The following GPM6A variants were observed in gnomAD, a reference collection of about 807,000 sequenced individuals.
The protein encoded by GPM6A is neuronal membrane glycoprotein M6-a.
A neutral mutation model predicts 32.1 loss-of-function variants in GPM6A; 7 were observed. That is an observed-to-expected ratio of 0.22 (90% confidence interval 0.12 to 0.41). The LOEUF (loss-of-function observed/expected upper bound fraction) is 0.41. Ranked by LOEUF, GPM6A falls within the 10% of genes least tolerant of loss-of-function variation. The pLI, the probability that GPM6A is intolerant of heterozygous loss-of-function variation, is 1.00. For missense variants in GPM6A, 235 were observed against 347.2 expected (o/e 0.68, Z 2.57); for synonymous variants, 130 against 123.4 (o/e 1.05, Z -0.35).
At chr4:175,739,753 C>T (rs1158804063) in intron 1 of GPM6A, among the ~76,000 whole-genome samples, 4 of 152,076 alleles carry the variant, frequency 2.6e-5, no homozygotes, top group Admixed American at 2.6e-4. Context: ...TCCTGAGTCA[C>T]TTGGCTTCTC....
intron 1 of GPM6A, among the ~76,000 whole-genome samples, chr4:175,888,255 A>G (rs1010269376): frequency 6.6e-6 from 1 of 152,036 alleles, no homozygotes; most frequent in Non-Finnish European, 1.5e-5. Context: ...TGATAAATTC[A>G]GTACGCTTTT....
intron 1 of GPM6A, among the ~76,000 whole-genome samples, chr4:175,704,938 G>A (rs776320015): frequency 2.4e-4 from 37 of 152,174 alleles, no homozygotes; most frequent in Admixed American, 4.6e-4. Context: ...AGATAAAGTG[G>A]TAAGCTCATG....
intron 2 of GPM6A, among the ~76,000 whole-genome samples, chr4:175,691,355 A>C (rs1376887930): frequency 6.6e-6 from 1 of 152,174 alleles, no homozygotes; most frequent in Non-Finnish European, 1.5e-5. Flanking sequence ...CCTCCTTCCT[A>C]AATGTAGACT....
rs142526346 is a variant in GPM6A, at chr4:175,725,178, A to G, written c.38-23411T>C. Among the ~76,000 whole-genome samples the G allele has an allele frequency of 3.0e-4, 45 of 152,282 alleles. No individual in the cohort carries two copies. In the East Asian group the frequency reaches 7.1e-3, roughly 24 times the overall value. On this transcript the variant is annotated intron_variant, in intron 1 of 6. Coordinates refer to ENST00000393658, the MANE Select transcript of GPM6A (RefSeq NM_201591.3). The stretch of plus-strand genomic sequence containing the variant: ...TTTATTTTAGTGATAAAATACATGT[A>G]TAGTAATTAGAAGAGGATCTTGCAC...
At chr4:175,644,738 T>C (rs529195406) in intron 4 of GPM6A, among the ~76,000 whole-genome samples, 1 of 152,264 alleles carries the variant, frequency 6.6e-6, no homozygotes, top group South Asian at 2.1e-4. Flanking sequence ...TTATTACCTA[T>C]GGAAAAGTTT....
At chr4:175,887,055 A>C (rs1737483532) in intron 1 of GPM6A, among the ~76,000 whole-genome samples, 1 of 152,044 alleles carries the variant, frequency 6.6e-6, no homozygotes, top group Non-Finnish European at 1.5e-5. Context: ...ATTGTTATAG[A>C]ATACAAAAAC....
At chr4:175,912,081 A>AAG (rs1475564241) in intron 1 of GPM6A, among the ~76,000 whole-genome samples, 1 of 152,182 alleles carries the variant, frequency 6.6e-6, no homozygotes, top group Non-Finnish European at 1.5e-5. Flanking sequence ...GAATACAGAA[A>AAG]AGAGAGAGAA....
intron 1 of GPM6A, among the ~76,000 whole-genome samples, chr4:175,797,802 T>C (rs1403568899): frequency 6.6e-6 from 1 of 152,176 alleles, no homozygotes; most frequent in African/African-American, 2.4e-5. Context: ...TTTTAAATGA[T>C]TGCAATCTCT....
In GPM6A at chr4:175,701,655, C is replaced by T. The variant is rs144181937; in HGVS notation, c.150G>A (p.Ala50=). The T allele has an allele frequency of 6.8e-5, 110 of 1,614,004 alleles. No individual in the cohort carries two copies. The highest frequency in any genetic ancestry group is 5.0e-4 in the Middle Eastern group (3 of 6,058). Residue 50 remains alanine, a synonymous_variant, in exon 2 of 7, where the codon GCG becomes GCA. Transcript: ENST00000393658. ...GCAGAATGTTGACAGTTCCAGAAAG[C>T]GCTTCATGACCGCAGCCACAGAACA... The part of the protein sequence containing the change: ...VALFCGCGHE[A]LSGTVNILQT...
intron 1 of GPM6A, among the ~76,000 whole-genome samples, chr4:175,746,795 A>G (rs1312427064): frequency 2.0e-5 from 3 of 152,148 alleles, no homozygotes; most frequent in Non-Finnish European, 4.4e-5. Context: ...CGGGCTTCAC[A>G]AACTGATGTG....
chr4:175,696,382 T>C (rs1157238125), intron 2 of GPM6A, among the ~76,000 whole-genome samples: 1 of 152,186 alleles, frequency 6.6e-6, no homozygotes, highest in African/African-American at 2.4e-5. Flanking sequence ...CCACACTATC[T>C]TGTCTATCTA....
intron 6 of GPM6A, among the ~76,000 whole-genome samples, chr4:175,637,269 A>T (rs1400358910): frequency 1.5e-5 from 1 of 67,568 alleles, no homozygotes; most frequent in African/African-American, 5.2e-5. Context: ...AATATATATT[A>T]TATATTATAT....
chr4:175,786,060 T>C (rs986412171), intron 1 of GPM6A, among the ~76,000 whole-genome samples: 1 of 152,140 alleles, frequency 6.6e-6, no homozygotes, highest in Non-Finnish European at 1.5e-5. Flanking sequence ...CCAAGGCATC[T>C]CACAGAGTGG....
rs1489884948 is a variant in GPM6A, at chr4:175,900,367, AGAAAG to A, written c.-22-88123_-22-88119del. Among the ~76,000 whole-genome samples the A allele has an allele frequency of 5.2e-5, 6 of 115,510 alleles. No homozygotes were observed. The South Asian group carries it at 1.3e-3, about 25-fold the overall frequency. The allele number at this position is 115,510 out of a possible 152,430, so 75.8% of individuals were successfully genotyped here. On this transcript the variant is annotated intron_variant, in intron 1 of 7. Transcript: ENST00000280187. ...GGAAAGGAAAAGAAAGGAAAGGAAA[AGAAAG>A]GAAAGGAAAGGAAAGGAAAAAGCCA...
At chr4:175,882,566 C>T (rs1358514947) in intron 1 of GPM6A, among the ~76,000 whole-genome samples, 1 of 151,900 alleles carries the variant, frequency 6.6e-6, no homozygotes, top group Non-Finnish European at 1.5e-5. Context: ...AAATGTTTAA[C>T]TTTCCCTTTA....
rs1554007435 is a variant in GPM6A, at chr4:175,991,231, A to ATTT, written c.-23+11075_-23+11077dup. 6.6e-3 allele frequency among the ~76,000 whole-genome samples: 786 copies of ATTT among 119,084 alleles called. 8 individuals are homozygous for ATTT. Among genetic ancestry groups the ATTT allele is most frequent in the African/African-American group, 0.021 (706 of 34,050 alleles). The allele number at this position is 119,084 out of a possible 152,430, so 78.1% of individuals were successfully genotyped here. The stretch of plus-strand genomic sequence containing the variant: ...CAGGTGCCCGCCACCACTCCCAGCT[A>ATTT]TTTTTTTTTTTTTTTTGTATGCTTA... On this transcript the variant is annotated intron_variant, in intron 1 of 7. Coordinates refer to the GPM6A transcript ENST00000280187.
intron 2 of GPM6A, among the ~76,000 whole-genome samples, chr4:175,685,407 T>G (rs1158463534): frequency 6.6e-6 from 1 of 152,234 alleles, no homozygotes; most frequent in Non-Finnish European, 1.5e-5. Context: ...CATGTAAGTT[T>G]TGAACGTTTC....
intron 3 of GPM6A, among the ~76,000 whole-genome samples, chr4:175,668,519 A>ATGTGTGTGTGTGTGTGTGTGTGTGTGTG (rs56106172): frequency 0.075 from 10,441 of 139,098 alleles, 584 homozygotes; most frequent in East Asian, 0.1. Context: ...TCAAACGTTT[A>ATGTGTGTGTGTGTGTGTGTGTGTGTGTG]TGTGTGTGTG....
intron 1 of GPM6A, among the ~76,000 whole-genome samples, chr4:175,944,045 C>A (rs1739509520): frequency 6.6e-6 from 1 of 152,114 alleles, no homozygotes; most frequent in South Asian, 2.1e-4. Flanking sequence ...TTAATTACTG[C>A]CTCAATTTCA....
Sources: gnomAD v4.1 joint callset for allele counts (sites outside exome capture counted in the v4.1 genomes callset) on GRCh38, gnomAD v4.1.1 for gene constraint, MANE v1.5 for transcripts, NCBI Gene and HGNC (gene_info 2026-07-23, HGNC 2026-07-21) for gene names.